CHD9: variants seen among roughly 807,000 people sequenced by gnomAD.
CHD9 encodes ATP-dependent chromatin remodeler CHD9.
CHD9 carries 77 observed loss-of-function variants against 316.1 expected under a neutral mutation model. That is an observed-to-expected ratio of 0.24 (90% CI 0.20 to 0.29). The LOEUF (loss-of-function observed/expected upper bound fraction) is 0.29. Ranked by LOEUF, CHD9 falls within the 10% of genes least tolerant of loss-of-function variation. The pLI is 1.00. For synonymous variants in CHD9, 1,129 were observed against 1,158.3 expected, an observed-to-expected ratio of 0.97 and a Z score of 0.51; for missense variants, 2,763 against 3,438.1, an observed-to-expected ratio of 0.80 and a Z score of 4.91.
At chr16:53,139,764 A>G (rs1317394883) in intron 1 of CHD9, among the ~76,000 whole-genome samples, 1 of 152,186 alleles carries the variant, frequency 6.6e-6, no homozygotes, top group East Asian at 1.9e-4. Context: ...ATGACAATCA[A>G]CCTGTCTCAG....
At chr16:53,269,199 G>A (rs1314724742) in intron 22 of CHD9, among the ~76,000 whole-genome samples, 2 of 151,952 alleles carry the variant, frequency 1.3e-5, no homozygotes, top group Non-Finnish European at 2.9e-5. Context: ...TTGCTCCTTA[G>A]CCTTCCTAAC....
At chr16:53,231,568 C>T in intron 9 of CHD9, 63 bp downstream of exon 9, 2 of 1,376,908 alleles carry the variant, frequency 1.5e-6, no homozygotes, top group Non-Finnish European at 2.0e-6. Flanking sequence ...AGTATTAAGA[C>T]CTAGTACTTT....
chr16:53,116,030 C>A (rs1181513661), intron 1 of CHD9, among the ~76,000 whole-genome samples: 4 of 152,150 alleles, frequency 2.6e-5, no homozygotes, highest in Non-Finnish European at 5.9e-5. Flanking sequence ...AGCGGCAGAT[C>A]ATAAGCAAAT....
chr16:53,234,748 T>C (rs1377575802), intron 10 of CHD9, among the ~76,000 whole-genome samples: 1 of 152,120 alleles, frequency 6.6e-6, no homozygotes, highest in African/African-American at 2.4e-5. Context: ...AGCTGATTTT[T>C]ATTTTTTAAT....
At chr16:53,297,243 T>C in intron 30 of CHD9, 85 bp downstream of exon 30, 1 of 995,172 alleles carries the variant, frequency 1.0e-6, no homozygotes, top group African/African-American at 1.6e-5. Flanking sequence ...GTCTCTTTTA[T>C]GTGAAATTTC....
At chr16:53,161,620 T>C (rs7201074) in intron 2 of CHD9, among the ~76,000 whole-genome samples, 4,929 of 152,326 alleles carry the variant, frequency 0.032, 99 homozygotes, top group Middle Eastern at 0.071. Context: ...TTTTGAGGTA[T>C]GTTTTGTTAG....
chr16:53,128,507 A>G (rs565842434), intron 1 of CHD9, among the ~76,000 whole-genome samples: 2 of 152,216 alleles, frequency 1.3e-5, no homozygotes, highest in South Asian at 4.2e-4. Context: ...CTTACTCTGG[A>G]GTGGGATTGA....
intron 36 of CHD9, among the ~76,000 whole-genome samples, chr16:53,317,017 G>C (rs2056928441): frequency 6.6e-6 from 1 of 151,938 alleles, no homozygotes; most frequent in Non-Finnish European, 1.5e-5. Context: ...TGGCAAACAT[G>C]GTACCCCATC....
chr16:53,107,903 T>C (rs1455951788), intron 1 of CHD9, among the ~76,000 whole-genome samples: 1 of 152,032 alleles, frequency 6.6e-6, no homozygotes, highest in Non-Finnish European at 1.5e-5. Context: ...AAACACTGTA[T>C]ATCATGTGGT....
At chr16:53,295,844 T>C (rs1239618588) in intron 29 of CHD9, among the ~76,000 whole-genome samples, 1 of 152,222 alleles carries the variant, frequency 6.6e-6, no homozygotes, top group Non-Finnish European at 1.5e-5. Context: ...GTTCTACACC[T>C]GCACTAAGGT....
At chr16:53,239,277 G>A (rs1328128732) in intron 12 of CHD9, among the ~76,000 whole-genome samples, 1 of 151,988 alleles carries the variant, frequency 6.6e-6, no homozygotes, top group Admixed American at 6.6e-5. Context: ...GAATTTTCTA[G>A]CAGAAAGTTA....
chr16:53,244,176 G>A (rs147509951), intron 13 of CHD9, among the ~76,000 whole-genome samples: 3 of 148,300 alleles, frequency 2.0e-5, no homozygotes, highest in African/African-American at 4.9e-5. Flanking sequence ...AGGAATTGTA[G>A]TTTCAAAGCA....
intron 3 of CHD9, among the ~76,000 whole-genome samples, chr16:53,210,183 TTC>T (rs1220644753): frequency 5.3e-4 from 81 of 152,264 alleles, no homozygotes; most frequent in African/African-American, 1.9e-3. Context: ...CTTTATAAGA[TTC>T]TTTTTCTCTT....
chr16:53,122,236 G>A (rs538388195), intron 1 of CHD9: 7 of 151,862 alleles, frequency 4.6e-5, no homozygotes, highest in Middle Eastern at 3.4e-3. Context: ...TTATTTATAC[G>A]GGAATAATAA....
chr16:53,179,943 T>C (rs1398229588), intron 2 of CHD9, among the ~76,000 whole-genome samples: 1 of 151,680 alleles, frequency 6.6e-6, no homozygotes, highest in Non-Finnish European at 1.5e-5. Flanking sequence ...GATTTTTATA[T>C]ATTTTCTCAT....
At chr16:53,232,036 A>G (rs926994473) in intron 10 of CHD9, among the ~76,000 whole-genome samples, 2 of 152,182 alleles carry the variant, frequency 1.3e-5, no homozygotes, top group African/African-American at 4.8e-5. Context: ...TAAGAGAAGG[A>G]AATGAATTAA....
At chr16:53,119,714 C>A (rs1053947746) in intron 1 of CHD9, among the ~76,000 whole-genome samples, 5 of 152,268 alleles carry the variant, frequency 3.3e-5, no homozygotes, top group African/African-American at 1.2e-4. Flanking sequence ...TGCCTGTAAT[C>A]CCAGCTACTT....
intron 2 of CHD9, among the ~76,000 whole-genome samples, chr16:53,196,431 G>A (rs997097971): frequency 1.3e-5 from 2 of 152,046 alleles, no homozygotes; most frequent in Non-Finnish European, 2.9e-5. Context: ...CATAGCCTGT[G>A]GTATTCCAAC....
intron 4 of CHD9, chr16:53,223,404 A>T (rs2047406685): frequency 6.6e-6 from 1 of 152,562 alleles, no homozygotes; most frequent in Non-Finnish European, 1.5e-5. Flanking sequence ...GTTGTGAATT[A>T]TGGGGCCAGA....
Sources: allele counts gnomAD v4.1 joint callset (sites outside exome capture counted in the v4.1 genomes callset), GRCh38; gene constraint gnomAD v4.1.1; transcripts MANE v1.5; gene names NCBI Gene and HGNC (gene_info 2026-07-23, HGNC 2026-07-21).